KLRD1: variants seen among roughly 807,000 people sequenced by gnomAD.
The protein encoded by KLRD1 is natural killer cells antigen CD94.
KLRD1 carries 21 observed loss-of-function variants against 22.6 expected under a neutral mutation model. That is an observed-to-expected ratio of 0.93 (90% CI 0.66 to 1.34). KLRD1 has a LOEUF of 1.34. KLRD1 is among the 40% of genes most tolerant of loss of function. The probability of loss-of-function intolerance (pLI) is 0.00; values close to 1 mark genes in which losing one functional copy is unlikely to be tolerated. For synonymous variants in KLRD1, 59 were observed against 71.1 expected, an observed-to-expected ratio of 0.83 and a Z score of 0.85; for missense variants, 183 against 208.6, an observed-to-expected ratio of 0.88 and a Z score of 0.76.
At chr12:10,276,205 T>C (rs377088517) in intron 1 of KLRD1, among the ~76,000 whole-genome samples, 1 of 152,178 alleles carries the variant, frequency 6.6e-6, no homozygotes, top group Non-Finnish European at 1.5e-5. Context: ...TTCAGGACTA[T>C]TATAAATAAT....
Position 10,323,237 on chromosome 12 carries a change from T to G in KLRD1, c.*8444T>G, listed in dbSNP as rs1950326810. Reference sequence around the variant, plus strand: ...ATATTTAGGCCCTTTAGTTCACGCTTTAAAAACTAGTGATAATTTATTCAT... The same window carrying G: ...ATATTTAGGCCCTTTAGTTCACGCTGTAAAAACTAGTGATAATTTATTCAT... On this transcript the variant is annotated 3_prime_UTR_variant, in exon 6 of 6. Transcript: ENST00000336164. The G allele has an allele frequency of 3.3e-5, 5 of 152,202 alleles. No homozygotes were observed. The highest frequency in any genetic ancestry group is 3.3e-4 in the Admixed American group (5 of 15,288). 9.4% of individuals were successfully genotyped at this position (152,202 alleles called of 1,614,324 possible).
intron 1 of KLRD1, among the ~76,000 whole-genome samples, chr12:10,265,528 G>A (rs1007903877): frequency 6.6e-6 from 1 of 152,170 alleles, no homozygotes; most frequent in Non-Finnish European, 1.5e-5. Context: ...AGGCCGATGC[G>A]GGTGGATCAC....
At chr12:10,239,418 TTCCA>T (rs764728695) in intron 1 of KLRD1, among the ~76,000 whole-genome samples, 5,326 of 39,898 alleles carry the variant, frequency 0.13, 924 homozygotes, top group East Asian at 0.52. Context: ...CCTTCCTTCT[TTCCA>T]TCCTTCCTTC....
At chr12:10,239,960 A>G (rs954263817) in intron 1 of KLRD1, among the ~76,000 whole-genome samples, 12 of 151,990 alleles carry the variant, frequency 7.9e-5, no homozygotes, top group African/African-American at 1.2e-4. Context: ...ATTTTGCCCA[A>G]TGCTAAATTT....
In KLRD1 at chr12:10,309,405, TG is replaced by T; in HGVS notation, c.27del (p.Trp9Ter). The T allele has an allele frequency of 6.7e-7, 1 of 1,503,098 alleles. No homozygotes were observed. Among genetic ancestry groups the T allele is most frequent in the Non-Finnish European group, 9.3e-7 (1 of 1,078,614 alleles). 93.1% of individuals were successfully genotyped at this position (1,503,098 alleles called of 1,614,324 possible). On this transcript the variant is annotated frameshift_variant, in exon 2 of 6. Coordinates refer to ENST00000336164, the MANE Select transcript of KLRD1 (RefSeq NM_002262.5). LOFTEE classifies it high-confidence loss of function. MAVFKTTL[W>X]RLISGTLGII... ...CTCTACAGTGTTTAAGACCACTCTGTGGAGGTTAATTTCTGGGACCTTAGGG... is the reference window on the plus strand; with the variant it reads ...CTCTACAGTGTTTAAGACCACTCTGTGAGGTTAATTTCTGGGACCTTAGGG...
In KLRD1 at chr12:10,319,177, C is replaced by CCA. The variant is rs1355893122; in HGVS notation, c.*4385_*4386dup. The CCA allele has an allele frequency of 6.6e-6, 1 of 152,106 alleles. No homozygotes were observed. Among genetic ancestry groups the CCA allele is most frequent in the Non-Finnish European group, 1.5e-5 (1 of 68,016 alleles). 9.4% of individuals were successfully genotyped at this position (152,106 alleles called of 1,614,324 possible). ...TGGTGAGACAGATTTGGTCCACAGG[C>CCA]CATAGTTTGCCAACATGTGCCCAAG... On this transcript the variant is annotated 3_prime_UTR_variant, in exon 6 of 6. Transcript: ENST00000336164.
chr12:10,241,372 T>G (rs1194948061), intron 1 of KLRD1, among the ~76,000 whole-genome samples: 1 of 152,140 alleles, frequency 6.6e-6, no homozygotes, highest in African/African-American at 2.4e-5. Flanking sequence ...TTTACTTTCA[T>G]AAAATAAAAA....
At position 10,322,636 on chromosome 12, in the gene KLRD1, T is replaced by C. The variant is rs1950321943; in HGVS notation, c.*7843T>C. 1 of 152,240 alleles carries C rather than the reference T, an allele frequency of 6.6e-6. No individual in the cohort carries two copies. The highest frequency in any genetic ancestry group is 2.4e-5 in the African/African-American group (1 of 41,462). 9.4% of individuals were successfully genotyped at this position (152,240 alleles called of 1,614,324 possible). ...ATGAAATTTTTCTTCACTAATTTTC[T>C]CATTTACACTAAATACTTCATTGAT... On this transcript the variant is annotated 3_prime_UTR_variant, in exon 6 of 6. Transcript: ENST00000336164.
At chr12:10,283,572 G>T (rs140737822) in intron 1 of KLRD1, among the ~76,000 whole-genome samples, 11 of 152,152 alleles carry the variant, frequency 7.2e-5, no homozygotes, top group African/African-American at 2.7e-4. Flanking sequence ...CCAGTACATA[G>T]CATGTGTGGT....
At chr12:10,308,453 T>A (rs1393057364) in intron 1 of KLRD1, 1 of 233,252 alleles carries the variant, frequency 4.3e-6, no homozygotes, top group Non-Finnish European at 8.5e-6. Context: ...CTATTTATGT[T>A]GTGACATCCA....
upstream of KLRD1, among the ~76,000 whole-genome samples, chr12:10,307,100 C>G (rs1949943266): frequency 1.3e-5 from 2 of 152,066 alleles, no homozygotes; most frequent in South Asian, 4.1e-4. Context: ...GAAATTTGAC[C>G]TGTTCCACAT....
At chr12:10,301,051 A>G (rs1949861926), upstream of KLRD1, among the ~76,000 whole-genome samples, 2 of 152,166 alleles carry the variant, frequency 1.3e-5, no homozygotes, top group South Asian at 4.1e-4. Context: ...GCAGACAACT[A>G]CAACTTTCTC....
At chr12:10,265,703 G>A (rs1949492386) in intron 1 of KLRD1, among the ~76,000 whole-genome samples, 1 of 152,154 alleles carries the variant, frequency 6.6e-6, no homozygotes, top group South Asian at 2.1e-4. Context: ...GTTGCAATGA[G>A]CCAAGATCAT....
chr12:10,266,454 A>T (rs1168767362), intron 1 of KLRD1, among the ~76,000 whole-genome samples: 3 of 151,998 alleles, frequency 2.0e-5, no homozygotes, highest in African/African-American at 7.2e-5. Context: ...CTCATCTTTT[A>T]AAAAAATTCT....
chr12:10,242,851 A>G (rs1022463483), intron 1 of KLRD1, among the ~76,000 whole-genome samples: 1 of 152,168 alleles, frequency 6.6e-6, no homozygotes, highest in Admixed American at 6.5e-5. Context: ...CTTTTGCAGC[A>G]TTATTTACAA....
intron 1 of KLRD1, among the ~76,000 whole-genome samples, chr12:10,283,901 C>A (rs889650915): frequency 6.6e-6 from 1 of 151,860 alleles, no homozygotes; most frequent in African/African-American, 2.4e-5. Flanking sequence ...GTTGGCTGGG[C>A]ATGGTGGCTC....
chr12:10,303,455 G>A (rs1450334299), upstream of KLRD1, among the ~76,000 whole-genome samples: 1 of 152,124 alleles, frequency 6.6e-6, no homozygotes, highest in Non-Finnish European at 1.5e-5. Context: ...GTTGAATAAA[G>A]ATTTTCTTGC....
chr12:10,255,287 C>T (rs1270515966), intron 1 of KLRD1, among the ~76,000 whole-genome samples: 1 of 152,122 alleles, frequency 6.6e-6, no homozygotes, highest in Non-Finnish European at 1.5e-5. Context: ...TATTGTTAAT[C>T]TTTTCTAAGG....
intron 1 of KLRD1, among the ~76,000 whole-genome samples, chr12:10,297,149 G>A (rs1052694472): frequency 6.6e-6 from 1 of 152,216 alleles, no homozygotes; most frequent in Admixed American, 6.5e-5. Flanking sequence ...GGATGAAAGT[G>A]TACCTGTGCT....
Sources: gnomAD v4.1 joint callset for allele counts (sites outside exome capture counted in the v4.1 genomes callset) on GRCh38, gnomAD v4.1.1 for gene constraint, MANE v1.5 for transcripts, NCBI Gene and HGNC (gene_info 2026-07-23, HGNC 2026-07-21) for gene names.